USH2A: variants seen among roughly 807,000 people sequenced by gnomAD.
USH2A encodes the protein Usher syndrome 2A (autosomal recessive, mild).
USH2A carries 443 observed loss-of-function variants against 538.9 expected under a neutral mutation model. The ratio of observed to expected loss-of-function variants is 0.82; its 90% CI spans 0.76 to 0.89. USH2A has a LOEUF of 0.89. Ranked by LOEUF, USH2A falls within the 40% of genes least tolerant of loss-of-function variation. The pLI is 0.00. For missense variants in USH2A, 6,633 were observed against 6,324.8 expected, an observed-to-expected ratio of 1.05 and a Z score of -1.65; for synonymous variants, 2,413 against 2,273.5, an observed-to-expected ratio of 1.06 and a Z score of -1.75.
intron 16 of USH2A, among the ~76,000 whole-genome samples, chr1:216,206,617 A>T (rs554001896): frequency 3.9e-5 from 6 of 152,182 alleles, no homozygotes; most frequent in African/African-American, 1.4e-4. Context: ...CAGCCTGGGG[A>T]TTGGGGACCC....
intron 32 of USH2A, among the ~76,000 whole-genome samples, chr1:216,006,706 A>C (rs1668400449): frequency 6.6e-6 from 1 of 151,864 alleles, no homozygotes; most frequent in Middle Eastern, 3.2e-3. Flanking sequence ...CATAGTTTGG[A>C]CAATTCTCTT....
intron 9 of USH2A, among the ~76,000 whole-genome samples, chr1:216,307,399 A>T (rs2037338775): frequency 6.6e-6 from 1 of 152,142 alleles, no homozygotes. Context: ...CCAAAAGGCC[A>T]GTCTCACTCC....
intron 21 of USH2A, among the ~76,000 whole-genome samples, chr1:216,135,683 T>C (rs574325349): frequency 6.6e-6 from 1 of 152,136 alleles, no homozygotes; most frequent in Non-Finnish European, 1.5e-5. Flanking sequence ...TACATACATA[T>C]GAAAACAATT....
chr1:216,331,238 C>T (rs2037856912), intron 4 of USH2A, among the ~76,000 whole-genome samples: 1 of 152,082 alleles, frequency 6.6e-6, no homozygotes, highest in African/African-American at 2.4e-5. Context: ...TCCTTTGCTA[C>T]TTGCCAATTT....
intron 37 of USH2A, among the ~76,000 whole-genome samples, chr1:215,943,014 A>G (rs1270140631): frequency 6.6e-6 from 1 of 152,208 alleles, no homozygotes; most frequent in Non-Finnish European, 1.5e-5. Context: ...TGCCCAGTGC[A>G]TCTTCGCACC....
intron 60 of USH2A, 60 bp downstream of exon 60, chr1:215,741,315 C>T: frequency 1.3e-6 from 2 of 1,555,076 alleles, no homozygotes; most frequent in African/African-American, 1.4e-5. Flanking sequence ...CTTGATTCTG[C>T]TGTGTTGGAG....
chr1:215,958,237 TA>T (rs1464405540), intron 37 of USH2A, among the ~76,000 whole-genome samples: 1 of 152,148 alleles, frequency 6.6e-6, no homozygotes, highest in Non-Finnish European at 1.5e-5. Context: ...TTTCTCTGGG[TA>T]ACCTTGAAAA....
At chr1:216,383,477 A>T (rs1571764311) in intron 3 of USH2A, among the ~76,000 whole-genome samples, 1 of 152,342 alleles carries the variant, frequency 6.6e-6, no homozygotes, top group East Asian at 1.9e-4. Context: ...CTTGAAATAA[A>T]AATATCATTT....
At chr1:216,254,135 C>G (rs1200295786) in intron 11 of USH2A, among the ~76,000 whole-genome samples, 1 of 152,000 alleles carries the variant, frequency 6.6e-6, no homozygotes, top group Admixed American at 6.6e-5. Flanking sequence ...AAGTTTACTC[C>G]CATTTCATTA....
At chr1:216,258,934 T>C (rs1435873593) in intron 11 of USH2A, among the ~76,000 whole-genome samples, 1 of 152,072 alleles carries the variant, frequency 6.6e-6, no homozygotes, top group Non-Finnish European at 1.5e-5. Flanking sequence ...CAGAGCTGCA[T>C]TGGGAAACAT....
At chr1:215,765,539 C>T (rs779652255) in intron 56 of USH2A, among the ~76,000 whole-genome samples, 10 of 151,924 alleles carry the variant, frequency 6.6e-5, no homozygotes, top group Non-Finnish European at 1.3e-4. Flanking sequence ...CTTGGTTTCC[C>T]CATATGAAAA....
intron 61 of USH2A, among the ~76,000 whole-genome samples, chr1:215,696,060 T>A (rs1033707076): frequency 1.3e-5 from 2 of 152,224 alleles, no homozygotes; most frequent in Admixed American, 1.3e-4. Context: ...ACACATAGCT[T>A]TTGACTCCCC....
At chr1:216,398,519 A>G (rs2039254503) in intron 3 of USH2A, among the ~76,000 whole-genome samples, 1 of 149,196 alleles carries the variant, frequency 6.7e-6, no homozygotes, top group South Asian at 2.2e-4. Flanking sequence ...CCAAACTCCA[A>G]TGGAAAAACC....
At chr1:216,009,575 T>C (rs2102490820) in intron 32 of USH2A, among the ~76,000 whole-genome samples, 1 of 152,220 alleles carries the variant, frequency 6.6e-6, no homozygotes, top group East Asian at 1.9e-4. Flanking sequence ...ATCTTCCTTC[T>C]TTCCCTCCCA....
intron 4 of USH2A, among the ~76,000 whole-genome samples, chr1:216,331,500 C>T (rs2037862700): frequency 6.6e-6 from 1 of 151,902 alleles, no homozygotes. Flanking sequence ...ACATATAAAT[C>T]AGGGTAAAAA....
Position 216,174,299 on chromosome 1 carries a change from AAT to A in USH2A, c.4627+951_4627+952del, listed in dbSNP as rs886045946. On this transcript the variant is annotated intron_variant, in intron 21 of 71. Transcript: ENST00000307340. The stretch of plus-strand genomic sequence containing the variant: ...GAACATCTTTATGAGTTTACATAAT[AAT>A]ATATATCTTATACTTTGTAAATTTT... The A allele has an allele frequency of 2.8e-4, 277 of 976,048 alleles. 1 individual carries two copies. Among genetic ancestry groups the A allele is most frequent in the Non-Finnish European group, 3.3e-4 (270 of 821,538 alleles). 60.5% of individuals were successfully genotyped at this position (976,048 alleles called of 1,614,324 possible). A position where few individuals can be genotyped will look rare whatever the true frequency, so the allele number is the denominator to read the frequency against.
At chr1:216,125,957 C>T (rs1394326248) in intron 21 of USH2A, among the ~76,000 whole-genome samples, 1 of 152,160 alleles carries the variant, frequency 6.6e-6, no homozygotes, top group African/African-American at 2.4e-5. Flanking sequence ...TTAAGTGATT[C>T]AAAGAGCATA....
At chr1:216,060,699 A>G (rs769141683) in intron 30 of USH2A, among the ~76,000 whole-genome samples, 1 of 152,244 alleles carries the variant, frequency 6.6e-6, no homozygotes, top group Non-Finnish European at 1.5e-5. Flanking sequence ...TTATATCTGT[A>G]ACACTTGATG....
intron 32 of USH2A, among the ~76,000 whole-genome samples, chr1:216,044,996 T>A (rs2030451430): frequency 6.6e-6 from 1 of 152,130 alleles, no homozygotes; most frequent in Non-Finnish European, 1.5e-5. Context: ...CACAGCCCTG[T>A]CCACACGACT....
Sources: allele counts gnomAD v4.1 joint callset (sites outside exome capture counted in the v4.1 genomes callset), GRCh38; gene constraint gnomAD v4.1.1; transcripts MANE v1.5; gene names NCBI Gene and HGNC (gene_info 2026-07-23, HGNC 2026-07-21).